The following FAM167A variants were observed in gnomAD, a reference collection of about 807,000 sequenced individuals.
The protein encoded by FAM167A is family with sequence similarity 167 member A.
Under a neutral mutation model 14.9 loss-of-function variants are expected in FAM167A, and 23 were observed. The observed-to-expected ratio is 1.55, with a 90% confidence interval of 1.11 to 2.19. FAM167A has a LOEUF of 2.19. FAM167A is among the 30% of genes most tolerant of loss of function. The pLI, the probability that FAM167A is intolerant of heterozygous loss-of-function variation, is 0.00. For missense variants in FAM167A, 401 were observed against 281.5 expected, an observed-to-expected ratio of 1.42 and a Z score of -3.04; for synonymous variants, 174 against 117.7, an observed-to-expected ratio of 1.48 and a Z score of -3.10.
At chr8:11,426,401 TGGCTCAGAA>T (rs1805149653) in intron 2 of FAM167A, among the ~76,000 whole-genome samples, 12 of 152,336 alleles carry the variant, frequency 7.9e-5, no homozygotes, top group Admixed American at 7.8e-4. Flanking sequence ...TCACTTACAC[TGGCTCAGAA>T]TAAACCTCTT....
chr8:11,425,721 T>C (rs1389534623), intron 2 of FAM167A, among the ~76,000 whole-genome samples: 1 of 152,008 alleles, frequency 6.6e-6, no homozygotes, highest in Non-Finnish European at 1.5e-5. Context: ...AACATTGAAA[T>C]AGAGATATAA....
chr8:11,464,701 G>A lies in FAM167A; in HGVS notation c.-398+1925C>T, dbSNP rs1402036051. On this transcript the variant is annotated intron_variant, in intron 1 of 2. Coordinates refer to ENST00000284486, the MANE Select transcript of FAM167A (RefSeq NM_053279.3). ...TTTGCAAGCAGCTCAAGTCCCTTGGGAAAGCACAGCTCCCAAAGGGTTCTG... is the reference window on the plus strand; with the variant it reads ...TTTGCAAGCAGCTCAAGTCCCTTGGAAAAGCACAGCTCCCAAAGGGTTCTG... Among the ~76,000 whole-genome samples the A allele has an allele frequency of 2.6e-5, 4 of 152,186 alleles. No homozygotes were observed. In the South Asian group the frequency reaches 8.3e-4, roughly 32 times the overall value.
chr8:11,474,776 G>T, intron 1 of FAM167A: 1 of 152,448 alleles, frequency 6.6e-6, no homozygotes. Context: ...TAGGCTTACG[G>T]GGAGGAGACA....
chr8:11,465,867 C>T (rs1319171941), intron 1 of FAM167A, among the ~76,000 whole-genome samples: 1 of 152,226 alleles, frequency 6.6e-6, no homozygotes, highest in Non-Finnish European at 1.5e-5. Context: ...AGTGGCCAGC[C>T]CCCAACCTAG....
intron 2 of FAM167A, among the ~76,000 whole-genome samples, chr8:11,430,419 C>T (rs1016741560): frequency 3.3e-5 from 5 of 152,234 alleles, no homozygotes; most frequent in East Asian, 3.9e-4. Flanking sequence ...CAAGAATGCT[C>T]GTTAAGATGT....
chr8:11,443,238 G>C (rs1265596085), intron 2 of FAM167A, among the ~76,000 whole-genome samples: 1 of 152,174 alleles, frequency 6.6e-6, no homozygotes, highest in African/African-American at 2.4e-5. Flanking sequence ...GGGTGGAAGG[G>C]GACAGGGCAC....
chr8:11,439,829 G>C (rs577315917), intron 2 of FAM167A, among the ~76,000 whole-genome samples: 2 of 152,274 alleles, frequency 1.3e-5, no homozygotes, highest in South Asian at 2.1e-4. Context: ...TTGTGGGTGT[G>C]AATGAAGAGA....
Position 11,432,727 on chromosome 8 carries a change from G to T in FAM167A, c.382-8091C>A, listed in dbSNP as rs1316758387. On this transcript the variant is annotated intron_variant, in intron 2 of 2. Transcript: ENST00000284486. ...CCCATTACTGGGCATATACTGAAAG[G>T]ATTATAAATCATTCTATGATAAAGA... 2.0e-5 allele frequency among the ~76,000 whole-genome samples: 3 copies of T among 152,146 alleles called. No individual in the cohort carries two copies. The East Asian group carries it at 5.8e-4, about 29-fold the overall frequency.
At chr8:11,461,487 GC>G (rs1346370679) in intron 1 of FAM167A, among the ~76,000 whole-genome samples, 1 of 152,236 alleles carries the variant, frequency 6.6e-6, no homozygotes, top group Non-Finnish European at 1.5e-5. Context: ...ACACAGAGTG[GC>G]CTTTAAAGCA....
At chr8:11,445,088 G>T in intron 1 of FAM167A, 1 of 974,604 alleles carries the variant, frequency 1.0e-6, no homozygotes, top group Non-Finnish European at 1.2e-6. Flanking sequence ...GCAGGGATTT[G>T]TTTTTATTCT....
intron 2 of FAM167A, among the ~76,000 whole-genome samples, chr8:11,433,607 G>T (rs1338254851): frequency 6.6e-6 from 1 of 152,220 alleles, no homozygotes; most frequent in Non-Finnish European, 1.5e-5. Context: ...GCGAAAGAGT[G>T]CGTGTCCTGG....
chr8:11,421,605 T>C lies in FAM167A; in HGVS notation c.*2768A>G, dbSNP rs1286625454. On this transcript the variant is annotated 3_prime_UTR_variant, in exon 3 of 3. Transcript: ENST00000284486. ...ATTGATTATGTAATAGCACTTGGTA[T>C]TGCTACAGGGTGTGGGTCTTGAACT... The C allele has an allele frequency of 5.0e-6, 2 of 398,184 alleles. No homozygotes were observed. Among genetic ancestry groups the C allele is most frequent in the Non-Finnish European group, 8.8e-6 (2 of 226,044 alleles). The allele number at this position is 398,184 out of a possible 1,614,324, so 24.7% of individuals were successfully genotyped here.
chr8:11,441,138 T>C (rs1806410270), intron 2 of FAM167A, among the ~76,000 whole-genome samples: 1 of 152,194 alleles, frequency 6.6e-6, no homozygotes, highest in Non-Finnish European at 1.5e-5. Context: ...TGAGTGTGGT[T>C]CTTGGACCAC....
intron 2 of FAM167A, among the ~76,000 whole-genome samples, chr8:11,428,747 G>T (rs1378386160): frequency 2.0e-5 from 3 of 152,208 alleles, no homozygotes; most frequent in Admixed American, 2.0e-4. Context: ...GGGAGCCCTG[G>T]CTGTGCTGGG....
Position 11,422,623 on chromosome 8 carries a change from A to C in FAM167A, c.*1750T>G, listed in dbSNP as rs774265224. 6.6e-6 allele frequency: 1 copy of C among 152,406 alleles called. No individual in the cohort carries two copies. Among genetic ancestry groups the C allele is most frequent in the Non-Finnish European group, 1.5e-5 (1 of 68,046 alleles). 9.4% of individuals were successfully genotyped at this position (152,406 alleles called of 1,614,324 possible). A position where few individuals can be genotyped will look rare whatever the true frequency, so the allele number is the denominator to read the frequency against. ...GAGGCATAGAACTTCTGGCTCTTTG[A>C]AATTTTAAAAAAGAGACCAAGTTCT... is the stretch of plus-strand genomic sequence containing the variant. On this transcript the variant is annotated 3_prime_UTR_variant, in exon 3 of 3. Transcript: ENST00000284486.
chr8:11,437,193 A>G (rs1476236170), intron 2 of FAM167A, among the ~76,000 whole-genome samples: 2 of 152,190 alleles, frequency 1.3e-5, no homozygotes, highest in African/African-American at 4.8e-5. Context: ...GGTCGGGCAG[A>G]TCTGAGTTCA....
intron 2 of FAM167A, among the ~76,000 whole-genome samples, chr8:11,425,010 G>A (rs1805036147): frequency 6.6e-6 from 1 of 152,182 alleles, no homozygotes; most frequent in African/African-American, 2.4e-5. Context: ...GTTGCCTCTA[G>A]GTGAGAAGGA....
At chr8:11,461,628 C>T (rs534966576) in intron 1 of FAM167A, among the ~76,000 whole-genome samples, 2 of 152,376 alleles carry the variant, frequency 1.3e-5, no homozygotes, top group East Asian at 1.9e-4. Flanking sequence ...GTGCCCTCCC[C>T]TGTGGCTTCA....
rs981515915 is a variant in FAM167A, at chr8:11,443,972, G to C, written c.381+59C>G. 11 of 1,550,852 alleles carry C rather than the reference G, an allele frequency of 7.1e-6. No homozygotes were observed. The African/African-American group carries it at 1.4e-4, about 19-fold the overall frequency. On this transcript the variant is annotated intron_variant, in intron 2 of 2. Coordinates refer to ENST00000284486, the MANE Select transcript of FAM167A (RefSeq NM_053279.3). ...AGACAGACAGAGAGAGACAGAAAAA[G>C]ACACAGAGAGACGGTGGCATCTCCT...
Sources: gnomAD v4.1 joint callset for allele counts (sites outside exome capture counted in the v4.1 genomes callset) on GRCh38, gnomAD v4.1.1 for gene constraint, MANE v1.5 for transcripts, NCBI Gene and HGNC (gene_info 2026-07-23, HGNC 2026-07-21) for gene names.